Variants in FAN1 observed in about 807,000 individuals in gnomAD.
The protein encoded by FAN1 is FANCD2 and FANCI associated nuclease 1, also known as fanconi-associated nuclease 1.
FAN1 carries 91 observed loss-of-function variants against 104.9 expected under a neutral mutation model. That is an observed-to-expected ratio of 0.87 (90% CI 0.73 to 1.03). FAN1 has a LOEUF of 1.03. Ranked by LOEUF, FAN1 falls within the 50% of genes least tolerant of loss-of-function variation. The pLI, the probability that FAN1 is intolerant of heterozygous loss-of-function variation, is 0.00. For synonymous variants in FAN1, 478 were observed against 457.6 expected, an observed-to-expected ratio of 1.04 and a Z score of -0.57; for missense variants, 1,263 against 1,239.9, an observed-to-expected ratio of 1.02 and a Z score of -0.28.
intron 10 of FAN1, chr15:30,927,060 C>G: frequency 1.0e-6 from 1 of 976,674 alleles, no homozygotes; most frequent in Non-Finnish European, 1.2e-6. Context: ...ACTTGTAATC[C>G]CAGCACTTGG....
At chr15:30,928,906 C>A in intron 11 of FAN1, 4 of 567,724 alleles carry the variant, frequency 7.0e-6, no homozygotes, top group Non-Finnish European at 8.9e-6. Context: ...GTACCATCAG[C>A]ATCAGCCCTC....
intron 4 of FAN1, chr15:30,911,057 G>A (rs928549294): frequency 8.1e-7 from 1 of 1,233,628 alleles, no homozygotes; most frequent in Non-Finnish European, 1.0e-6. Context: ...TAGGCCTTTG[G>A]TAAATTGTAG....
At position 30,942,254 on chromosome 15, in the gene FAN1, T is replaced by C. The variant is rs2063079578; in HGVS notation, c.*692T>C. 14 of 754,196 alleles carry C rather than the reference T, an allele frequency of 1.9e-5. No homozygotes were observed. Among genetic ancestry groups the C allele is most frequent in the Non-Finnish European group, 3.0e-5 (14 of 473,446 alleles). 46.7% of individuals were successfully genotyped at this position (754,196 alleles called of 1,614,324 possible). On this transcript the variant is annotated 3_prime_UTR_variant, in exon 15 of 15. Coordinates refer to ENST00000362065, the MANE Select transcript of FAN1 (RefSeq NM_014967.5). ...CCTCCCCTGGAATTACACTTTTTTA[T>C]GTGTTGACTCTACCTAGGCTGTTAC...
intron 10 of FAN1, chr15:30,927,949 G>A: frequency 1.0e-6 from 1 of 985,812 alleles, no homozygotes; most frequent in Non-Finnish European, 1.2e-6. Flanking sequence ...CGTGAGGAGG[G>A]GCACTGAAGT....
intron 13 of FAN1, among the ~76,000 whole-genome samples, chr15:30,935,835 A>ATT (rs2140968392): frequency 6.6e-6 from 1 of 152,316 alleles, no homozygotes; most frequent in East Asian, 1.9e-4. Flanking sequence ...CAATCAGAGA[A>ATT]TCTTTTTTTT....
chr15:30,910,944 A>G, intron 4 of FAN1, 129 bp downstream of exon 4: 2 of 1,382,814 alleles, frequency 1.4e-6, no homozygotes, highest in Non-Finnish European at 1.9e-6. Context: ...GAAGGCTGGA[A>G]AAGCCTTAAT....
At position 30,925,108 on chromosome 15, in the gene FAN1, T is replaced by G; in HGVS notation, c.2173-19T>G. On this transcript the variant is annotated intron_variant, in intron 8 of 14. Coordinates refer to ENST00000362065, the MANE Select transcript of FAN1 (RefSeq NM_014967.5). The stretch of plus-strand genomic sequence containing the variant: ...TGGGTTTTTTTAGGAGCCTGATGTG[T>G]GACCATGCTCTCTGCCAGACTATCA... The G allele has an allele frequency of 3.1e-6, 5 of 1,595,952 alleles. No individual in the cohort carries two copies. The highest frequency in any genetic ancestry group is 2.6e-6 in the Non-Finnish European group (3 of 1,168,962).
chr15:30,927,955 G>A, intron 10 of FAN1: 1 of 985,876 alleles, frequency 1.0e-6, no homozygotes, highest in Non-Finnish European at 1.2e-6. Context: ...GAGGGGCACT[G>A]AAGTGGGTGA....
At chr15:30,927,792 G>A in intron 10 of FAN1, 1 of 985,824 alleles carries the variant, frequency 1.0e-6, no homozygotes, top group Non-Finnish European at 1.2e-6. Context: ...AGCTGGATGA[G>A]CTGGGGCTTG....
At chr15:30,935,307 CA>C (rs1370577672) in intron 13 of FAN1, among the ~76,000 whole-genome samples, 8 of 144,084 alleles carry the variant, frequency 5.6e-5, no homozygotes, top group African/African-American at 1.8e-4. Context: ...GACCTTGTCT[CA>C]AAAAAAAAGA....
At position 30,905,786 on chromosome 15, in the gene FAN1, T is replaced by A. The variant is rs1351016634; in HGVS notation, c.1123T>A (p.Tyr375Asn). Residue 375 changes from tyrosine to asparagine, a missense_variant, in exon 2 of 15, where the codon TAC (tyrosine) becomes AAC (asparagine). Physicochemically the swap from Tyr to Asn is moderately radical, Grantham distance 143. This residue lies in a region of FAN1 where 682 missense variants were observed against 571.1 expected (regional missense o/e 1.19). Coordinates refer to ENST00000362065, the MANE Select transcript of FAN1 (RefSeq NM_014967.5). ...GPGQTTGHPY[Y>N]LRSFLVVLKT... Reference sequence around the variant, plus strand: ...TGGTCAAACAACCGGTCATCCTTACTACCTTCGGAGTTTCCTTGTGGTGCT... The same window carrying A: ...TGGTCAAACAACCGGTCATCCTTACAACCTTCGGAGTTTCCTTGTGGTGCT... 1.2e-6 allele frequency: 2 copies of A among 1,614,224 alleles called. No homozygotes were observed. Among genetic ancestry groups the A allele is most frequent in the South Asian group, 2.2e-5 (2 of 91,084 alleles).
chr15:30,939,716 T>TAATA, intron 14 of FAN1: 5 of 975,800 alleles, frequency 5.1e-6, no homozygotes, highest in Non-Finnish European at 4.9e-6. Flanking sequence ...AAACATTTAG[T>TAATA]AATAATAAAA....
intron 4 of FAN1, among the ~76,000 whole-genome samples, chr15:30,912,061 CAA>C (rs34122129): frequency 0.48 from 63,612 of 133,242 alleles, 14,014 homozygotes; most frequent in East Asian, 0.83. Flanking sequence ...GACTCCATCT[CAA>C]AAAAAAAAAA....
At chr15:30,909,374 G>A (rs1412110301) in intron 3 of FAN1, among the ~76,000 whole-genome samples, 3 of 152,192 alleles carry the variant, frequency 2.0e-5, no homozygotes, top group Admixed American at 6.5e-5. Context: ...GCGCTTGGTT[G>A]TGAATGGTTA....
intron 2 of FAN1, among the ~76,000 whole-genome samples, chr15:30,907,917 G>A (rs1291275073): frequency 6.6e-6 from 1 of 152,140 alleles, no homozygotes; most frequent in African/African-American, 2.4e-5. Context: ...CTAGAAAATG[G>A]GGAACTTGAT....
intron 14 of FAN1, chr15:30,940,657 A>G: frequency 7.1e-6 from 7 of 986,558 alleles, no homozygotes; most frequent in Non-Finnish European, 8.4e-6. Flanking sequence ...AGCACCCCAG[A>G]GGCCACTCCC....
In FAN1 at chr15:30,941,954, G is replaced by C; in HGVS notation, c.*392G>C. ...ACTGTTCTGGCTGTCGGTTTGCTGA[G>C]CTGGATCTGGCTTTGGTTTTAATAT... On this transcript the variant is annotated 3_prime_UTR_variant, in exon 15 of 15. Coordinates refer to ENST00000362065, the MANE Select transcript of FAN1 (RefSeq NM_014967.5). 1.9e-6 allele frequency: 3 copies of C among 1,614,030 alleles called. No individual in the cohort carries two copies. Among genetic ancestry groups the C allele is most frequent in the Non-Finnish European group, 2.5e-6 (3 of 1,179,908 alleles).
Position 30,925,784 on chromosome 15 carries a change from T to C in FAN1, c.2338-5T>C. Reference sequence around the variant, plus strand: ...CTAATAGATGTTATTCTGCTGCTGTTTCAGGTGACCATCACAGGCAGGCTG... The same window carrying C: ...CTAATAGATGTTATTCTGCTGCTGTCTCAGGTGACCATCACAGGCAGGCTG... On this transcript the variant is annotated splice_region_variant and splice_polypyrimidine_tract_variant and intron_variant, in intron 9 of 14. Coordinates refer to ENST00000362065, the MANE Select transcript of FAN1 (RefSeq NM_014967.5). 6.2e-7 allele frequency: 1 copy of C among 1,614,072 alleles called. No individual in the cohort carries two copies. Among genetic ancestry groups the C allele is most frequent in the Non-Finnish European group, 8.5e-7 (1 of 1,180,026 alleles).
chr15:30,915,989 T>TC, intron 5 of FAN1, among the ~76,000 whole-genome samples: 1 of 152,212 alleles, frequency 6.6e-6, no homozygotes, highest in Admixed American at 6.5e-5. Context: ...CCAGGTGCTT[T>TC]AAGAAGTAAG....
Sources: allele counts gnomAD v4.1 joint callset (sites outside exome capture counted in the v4.1 genomes callset), GRCh38; gene constraint gnomAD v4.1.1; regional missense constraint gnomAD v4.1.1; transcripts MANE v1.5; gene names NCBI Gene and HGNC (gene_info 2026-07-23, HGNC 2026-07-21).